The following PZP variants were observed in gnomAD, a reference collection of about 807,000 sequenced individuals.
PZP encodes PZP alpha-2-macroglobulin like.
In PZP, 150 loss-of-function variants were observed where a neutral mutation model predicts 179.8. That is an observed-to-expected ratio of 0.83 (90% CI 0.73 to 0.96). The LOEUF (loss-of-function observed/expected upper bound fraction) is 0.96, where lower values mean the gene tolerates loss of function less well. Among genes scored for constraint, PZP ranks in the 40% least tolerant of loss-of-function variants. The pLI is 0.00. For missense variants in PZP, 1,689 were observed against 1,764.0 expected (o/e 0.96, Z 0.76); for synonymous variants, 624 against 652.3 (o/e 0.96, Z 0.66).
At chr12:9,158,757 C>CTTTTTTTTTTT (rs60888135) in intron 25 of PZP, among the ~76,000 whole-genome samples, 181 bp from the exon 26 acceptor site, 2 of 125,430 alleles carry the variant, frequency 1.6e-5, no homozygotes, top group African/African-American at 3.0e-5. Context: ...CTTTTCTTTT[C>CTTTTTTTTTTT]TTTTTTTTTT....
chr12:9,146,130 A>G (rs1014709311), downstream of PZP, among the ~76,000 whole-genome samples: 1 of 151,170 alleles, frequency 6.6e-6, no homozygotes, highest in Admixed American at 6.6e-5. Flanking sequence ...TTCTCTTTCT[A>G]TTCTCCTTTT....
chr12:9,169,299 G>A lies in PZP; in HGVS notation c.2001+131C>T, dbSNP rs1011712094. On this transcript the variant is annotated intron_variant, in intron 16 of 35. Coordinates refer to ENST00000261336, the MANE Select transcript of PZP (RefSeq NM_002864.3). The stretch of plus-strand genomic sequence containing the variant: ...CACAAGAGACTTTAACCTTTTTATT[G>A]GCTTCATTTTTGTCTGCTGAAAAAT... 15 of 917,096 alleles carry A rather than the reference G, an allele frequency of 1.6e-5. No homozygotes were observed. In the African/African-American group the frequency reaches 2.1e-4, roughly 13 times the overall value. The allele number at this position is 917,096 out of a possible 1,614,324, so 56.8% of individuals were successfully genotyped here.
At chr12:9,190,644 A>ACACG (rs1800652493) in intron 13 of PZP, among the ~76,000 whole-genome samples, 1 of 152,184 alleles carries the variant, frequency 6.6e-6, no homozygotes, top group African/African-American at 2.4e-5. Flanking sequence ...AAACCCCATG[A>ACACG]CACGAGTTTA....
In PZP at chr12:9,158,471, C is replaced by T. The variant is rs754695694; in HGVS notation, c.3243G>A (p.Lys1081=). 2.5e-6 allele frequency: 4 copies of T among 1,614,146 alleles called. No individual in the cohort carries two copies. The highest frequency in any genetic ancestry group is 2.5e-6 in the Non-Finnish European group (3 of 1,180,024). ...CAGAGCTCCTGAAACAGCCATTGTC[C>T]TTCTGCATCTGGGAGAGCCACGTGA... ...QSLTWLSQMQ[K]DNGCFRSSGS... Residue 1081 remains lysine (K), a synonymous_variant, in exon 26 of 36, where the codon AAG becomes AAA. Coordinates refer to ENST00000261336, the MANE Select transcript of PZP (RefSeq NM_002864.3).
chr12:9,168,797 C>G (rs902116414), intron 17 of PZP, 72 bp downstream of exon 17: 1 of 1,152,630 alleles, frequency 8.7e-7, no homozygotes, highest in Admixed American at 1.8e-5. Context: ...GCTACATTAC[C>G]TCATTTTAGC....
chr12:9,201,344 G>T lies in PZP; in HGVS notation c.484C>A (p.Pro162Thr). ...ATACTTACCTCAAGGTATATCAGTGGAATCTATATGATAAAAGGAAAGAAG... is the reference window on the plus strand; with the variant it reads ...ATACTTACCTCAAGGTATATCAGTGTAATCTATATGATAAAAGGAAAGAAG... ...ENFRPRNELIPLIYLENPRRN... is the reference protein window; with the variant it reads ...ENFRPRNELITLIYLENPRRN... Residue 162 changes from proline (P) to threonine (T), a missense_variant, in exon 5 of 36, where the codon CCA becomes ACA. Around this residue, in one of 3 missense-constraint regions of PZP, gnomAD observed 742 missense variants for 730.5 expected, o/e 1.02. Transcript: ENST00000261336. The T allele has an allele frequency of 6.4e-7, 1 of 1,555,880 alleles. No homozygotes were observed.
rs760836397 is a variant in PZP at position 9,205,393 on chromosome 12, C to T, written c.84-1442G>A. ...TGTTGTTGCTGTTTTTGAGCATCTG[C>T]CACATGACAAGAATTGTTAAGCTGT... On this transcript the variant is annotated intron_variant, in intron 1 of 35. Coordinates refer to ENST00000261336, the MANE Select transcript of PZP (RefSeq NM_002864.3). 2.6e-5 allele frequency among the ~76,000 whole-genome samples: 4 copies of T among 152,266 alleles called. No individual in the cohort carries two copies. The South Asian group carries it at 8.3e-4, about 32-fold the overall frequency.
chr12:9,176,547 GC>G (rs1408100589), intron 15 of PZP, among the ~76,000 whole-genome samples: 1 of 152,188 alleles, frequency 6.6e-6, no homozygotes, highest in Non-Finnish European at 1.5e-5. Context: ...ATGAACTTAT[GC>G]CATTATATTG....
At chr12:9,139,010 A>G in the PZP span, among the ~76,000 whole-genome samples, 1 of 152,046 alleles carries the variant, frequency 6.6e-6, no homozygotes, top group South Asian at 2.1e-4. Flanking sequence ...CTCTTGAAGT[A>G]TAAATTTGGG....
chr12:9,203,034 A>G (rs1944254443), intron 2 of PZP, among the ~76,000 whole-genome samples: 1 of 152,158 alleles, frequency 6.6e-6, no homozygotes. Flanking sequence ...AACTTTAAAG[A>G]GGTACTAGGT....
At chr12:9,195,555 C>A (rs908008473) in intron 10 of PZP, among the ~76,000 whole-genome samples, 1 of 151,584 alleles carries the variant, frequency 6.6e-6, no homozygotes, top group African/African-American at 2.4e-5. Context: ...GGGATCCTCC[C>A]ACCTCAGCTT....
In PZP at chr12:9,159,977, G is replaced by T; in HGVS notation, c.3098C>A (p.Thr1033Asn). 1 of 1,613,846 alleles carries T rather than the reference G, an allele frequency of 6.2e-7. No individual in the cohort carries two copies. ...GTTCCTGCCATATCGTTCCCCAAAG[G>T]TGCTGTAGGAGCCATCTTGGTGTTT... ...NYKHQDGSYS[T>N]FGERYGRNQG... Residue 1033 changes from threonine (T) to asparagine (N), a missense_variant, in exon 25 of 36, where the codon ACC (threonine) becomes AAC (asparagine). This residue lies in a region of PZP where 746 missense variants were observed against 749.2 expected (regional missense o/e 1.00). Coordinates refer to ENST00000261336, the MANE Select transcript of PZP (RefSeq NM_002864.3).
At chr12:9,175,807 A>G (rs1175658827) in intron 15 of PZP, among the ~76,000 whole-genome samples, 1 of 152,124 alleles carries the variant, frequency 6.6e-6, no homozygotes, top group Non-Finnish European at 1.5e-5. Flanking sequence ...TCAAAAAACA[A>G]CAGATGCTGA....
intron 17 of PZP, among the ~76,000 whole-genome samples, chr12:9,167,840 T>A (rs1041608895): frequency 1.3e-5 from 2 of 152,230 alleles, no homozygotes; most frequent in African/African-American, 2.4e-5. Context: ...AAACTTGAAG[T>A]TTGTTCTATG....
intron 10 of PZP, 66 bp from the exon 11 acceptor site, chr12:9,194,304 C>A: frequency 6.8e-7 from 1 of 1,474,866 alleles, no homozygotes; most frequent in Non-Finnish European, 9.3e-7. Context: ...CTCATGTGAA[C>A]AAATGCTTTT....
At position 9,152,682 on chromosome 12, in the gene PZP, A is replaced by G. The variant is rs1565621654; in HGVS notation, c.4121+142T>C. On this transcript the variant is annotated intron_variant, in intron 31 of 35. Transcript: ENST00000261336. ...GTAGAGAAAGGATCACGTCATAATG[A>G]TAAAAGCCTAAATTCATTTATAGAT... The G allele has an allele frequency of 4.6e-6, 4 of 860,878 alleles. No homozygotes were observed. In the East Asian group the frequency reaches 8.5e-5, roughly 18 times the overall value. 53.3% of individuals were successfully genotyped at this position (860,878 alleles called of 1,614,324 possible).
At chr12:9,207,610 C>G (rs1944502851) in intron 1 of PZP, among the ~76,000 whole-genome samples, 1 of 152,154 alleles carries the variant, frequency 6.6e-6, no homozygotes, top group East Asian at 1.9e-4. Flanking sequence ...CAGTGCATGC[C>G]AGCAAGTAAG....
Position 9,208,114 on chromosome 12 carries a change from A to T in PZP, c.83+145T>A, listed in dbSNP as rs1279563532. 13 of 611,718 alleles carry T rather than the reference A, an allele frequency of 2.1e-5. No individual in the cohort carries two copies. In the East Asian group the frequency reaches 2.9e-4, roughly 14 times the overall value. The allele number at this position is 611,718 out of a possible 1,614,324, so 37.9% of individuals were successfully genotyped here. ...AAGAATAGAGGATAAATGAAAGACA[A>T]ACAAGGGATTAACTGGAATAATTTC... On this transcript the variant is annotated intron_variant, in intron 1 of 35. Transcript: ENST00000261336.
Position 9,182,099 on chromosome 12 carries a change from A to G in PZP, c.1565T>C (p.Leu522Ser), listed in dbSNP as rs776703992. ...ESGDMKGSFA[L>S]SFPVESDVAP... The stretch of plus-strand genomic sequence containing the variant: ...AACGTCTGACTCCACAGGGAAGGAT[A>G]AGGCAAAACTGCCTTTCACTGGAAC... The change falls in exon 14 of 36, where the codon TTA becomes TCA. Residue 522 changes from leucine (L) to serine (S), a missense_variant. By Grantham distance (145) the Leu-to-Ser change is moderately radical (BLOSUM62 -2). Coordinates refer to ENST00000261336, the MANE Select transcript of PZP (RefSeq NM_002864.3). 3 of 1,571,448 alleles carry G rather than the reference A, an allele frequency of 1.9e-6. No homozygotes were observed. The South Asian group carries it at 3.4e-5, about 18-fold the overall frequency.
Sources: allele counts gnomAD v4.1 joint callset (sites outside exome capture counted in the v4.1 genomes callset), GRCh38; gene constraint gnomAD v4.1.1; regional missense constraint gnomAD v4.1.1; transcripts MANE v1.5; gene names NCBI Gene and HGNC (gene_info 2026-07-23, HGNC 2026-07-21).